Variants in CYP4X1 observed in about 807,000 individuals in gnomAD.
The protein encoded by CYP4X1 is cytochrome P450 family 4 subfamily X member 1, also known as cytochrome P450 4X1.
CYP4X1 carries 44 observed loss-of-function variants against 57.9 expected under a neutral mutation model. That is an observed-to-expected ratio of 0.76 (90% CI 0.60 to 0.98). The LOEUF (loss-of-function observed/expected upper bound fraction) is 0.98. CYP4X1 is among the 50% of genes least tolerant of loss of function. CYP4X1 has a pLI of 0.00. For missense variants in CYP4X1, 532 were observed against 623.9 expected (o/e 0.85, Z 1.57); for synonymous variants, 227 against 228.6 (o/e 0.99, Z 0.06).
the CYP4X1 span, among the ~76,000 whole-genome samples, chr1:46,968,641 G>T: frequency 5.1e-4 from 77 of 152,166 alleles, no homozygotes; most frequent in African/African-American, 1.8e-3. Flanking sequence ...TCACAGTCCA[G>T]TGCCTAGGAT....
At chr1:47,037,624 A>C (rs914588740) in intron 6 of CYP4X1, among the ~76,000 whole-genome samples, 1 of 152,130 alleles carries the variant, frequency 6.6e-6, no homozygotes, top group Non-Finnish European at 1.5e-5. Context: ...GTTTAGCTAC[A>C]TCCCTGACAT....
rs1208223317 is a variant in CYP4X1 at position 47,050,312 on chromosome 1, C to T, written c.*138C>T. ...GGATAGGGGTCTCTGTGAAGAGATC[C>T]AAAATCATTTCTAGGTACACAGTGT... On this transcript the variant is annotated 3_prime_UTR_variant, in exon 12 of 12. Transcript: ENST00000371901. 3.5e-6 allele frequency: 3 copies of T among 854,048 alleles called. No homozygotes were observed. The highest frequency in any genetic ancestry group is 5.4e-6 in the Non-Finnish European group (3 of 554,944). The allele number at this position is 854,048 out of a possible 1,614,324, so 52.9% of individuals were successfully genotyped here.
the CYP4X1 span, chr1:46,961,871 G>T: frequency 2.1e-6 from 2 of 946,558 alleles, no homozygotes; most frequent in African/African-American, 3.4e-5. Context: ...TGGCCTCTTT[G>T]TGCCTGTCTT....
chr1:47,006,780 T>C, the CYP4X1 span, among the ~76,000 whole-genome samples: 1 of 152,174 alleles, frequency 6.6e-6, no homozygotes, highest in East Asian at 1.9e-4. Context: ...CACCAGGAGA[T>C]TATATCCTGC....
At chr1:46,984,761 T>C in the CYP4X1 span, among the ~76,000 whole-genome samples, 1 of 152,142 alleles carries the variant, frequency 6.6e-6, no homozygotes, top group Non-Finnish European at 1.5e-5. Context: ...ACCCTGGGTT[T>C]CAAGCACAAA....
the CYP4X1 span, among the ~76,000 whole-genome samples, chr1:46,996,665 A>G: frequency 3.3e-5 from 5 of 152,220 alleles, no homozygotes; most frequent in Admixed American, 1.3e-4. Context: ...AAGGTTTATC[A>G]ACAACTAAAT....
chr1:47,027,200 T>A (rs1313363888), intron 1 of CYP4X1, among the ~76,000 whole-genome samples: 45 of 151,714 alleles, frequency 3.0e-4, no homozygotes, highest in Admixed American at 2.9e-3. Context: ...TTTTGAGAGG[T>A]TTCTATCAGA....
At chr1:46,961,456 C>G in the CYP4X1 span, 1 of 781,848 alleles carries the variant, frequency 1.3e-6, no homozygotes, top group Non-Finnish European at 1.7e-6. Flanking sequence ...TACACTCACC[C>G]ACTCTGGTTT....
intron 1 of CYP4X1, among the ~76,000 whole-genome samples, chr1:47,026,507 A>T (rs1340768905): frequency 1.3e-5 from 2 of 152,148 alleles, no homozygotes; most frequent in African/African-American, 2.4e-5. Context: ...TTCCAAGATT[A>T]TTTTGGCTGT....
In CYP4X1 at chr1:47,036,183, G is replaced by T; in HGVS notation, c.775+12G>T. 6.2e-7 allele frequency: 1 copy of T among 1,600,212 alleles called. No homozygotes were observed. The highest frequency in any genetic ancestry group is 8.5e-7 in the Non-Finnish European group (1 of 1,170,304). On this transcript the variant is annotated intron_variant, in intron 6 of 11. Coordinates refer to ENST00000371901, the MANE Select transcript of CYP4X1 (RefSeq NM_178033.2). ...GAATCAGTACACAGGTATTTGTTGGGTTTGGGTTGCCCACGTCCATACGCT... is the reference window on the plus strand; with the variant it reads ...GAATCAGTACACAGGTATTTGTTGGTTTTGGGTTGCCCACGTCCATACGCT...
At chr1:46,974,384 G>A in the CYP4X1 span, among the ~76,000 whole-genome samples, 1 of 152,166 alleles carries the variant, frequency 6.6e-6, no homozygotes, top group African/African-American at 2.4e-5. Flanking sequence ...GTGTGCAGAG[G>A]AGAAGAATGT....
At chr1:46,995,796 T>C in the CYP4X1 span, among the ~76,000 whole-genome samples, 8 of 152,332 alleles carry the variant, frequency 5.3e-5, no homozygotes, top group African/African-American at 9.6e-5. Flanking sequence ...CTGGATGCCA[T>C]CCAAAACCAA....
At chr1:47,010,418 A>C in the CYP4X1 span, among the ~76,000 whole-genome samples, 1 of 152,234 alleles carries the variant, frequency 6.6e-6, no homozygotes, top group Non-Finnish European at 1.5e-5. Context: ...TCTCAAAATA[A>C]TAAGAGCTAT....
intron 4 of CYP4X1, among the ~76,000 whole-genome samples, chr1:47,034,073 A>G (rs1009184543): frequency 6.6e-6 from 1 of 152,228 alleles, no homozygotes; most frequent in African/African-American, 2.4e-5. Flanking sequence ...GGATGGCAGG[A>G]GCAGCTATAA....
the CYP4X1 span, among the ~76,000 whole-genome samples, chr1:47,015,147 C>T: frequency 1.3e-5 from 2 of 152,160 alleles, no homozygotes; most frequent in Admixed American, 1.3e-4. Flanking sequence ...TGTGTGTTGG[C>T]CTACCTTTGA....
intron 9 of CYP4X1, among the ~76,000 whole-genome samples, chr1:47,047,095 T>C (rs1644311292): frequency 6.6e-6 from 1 of 152,218 alleles, no homozygotes; most frequent in African/African-American, 2.4e-5. Context: ...CAGACGCTTA[T>C]ACAATGATTT....
chr1:47,025,471 A>G (rs1345861077), intron 1 of CYP4X1, among the ~76,000 whole-genome samples: 1 of 152,228 alleles, frequency 6.6e-6, no homozygotes, highest in East Asian at 1.9e-4. Flanking sequence ...ATGACAGGCA[A>G]TCACTTACAC....
the CYP4X1 span, among the ~76,000 whole-genome samples, chr1:46,984,136 G>T: frequency 3.3e-5 from 5 of 151,758 alleles, no homozygotes; most frequent in African/African-American, 2.4e-5. Context: ...GGCGGGGAGG[G>T]TGTGTGGAAT....
At chr1:47,053,851 T>A (rs1644374681), downstream of CYP4X1, among the ~76,000 whole-genome samples, 1 of 152,234 alleles carries the variant, frequency 6.6e-6, no homozygotes, top group African/African-American at 2.4e-5. Context: ...GCAAAAATTT[T>A]CTCCCATTCT....
Sources: allele counts gnomAD v4.1 joint callset (sites outside exome capture counted in the v4.1 genomes callset), GRCh38; gene constraint gnomAD v4.1.1; transcripts MANE v1.5; gene names NCBI Gene and HGNC (gene_info 2026-07-23, HGNC 2026-07-21).